INSR: variants seen among roughly 807,000 people sequenced by gnomAD.
INSR encodes the protein IR.
In INSR, 67 loss-of-function variants were observed where a neutral mutation model predicts 142.6. The observed-to-expected ratio is 0.47, with a 90% CI of 0.39 to 0.58. INSR has a LOEUF of 0.58. Ranked by LOEUF, INSR falls within the 20% of genes least tolerant of loss-of-function variation. INSR has a pLI of 0.00. For synonymous variants in INSR, 756 were observed against 743.1 expected (o/e 1.02, Z -0.28); for missense variants, 1,248 against 1,833.2 (o/e 0.68, Z 5.83).
rs572345321 is a variant in INSR at position 7,284,214 on chromosome 19, G to A, written c.100+9578C>T. On this transcript the variant is annotated intron_variant, in intron 1 of 21. Transcript: ENST00000302850. ...CAGGTAGCTGAGATTACAGGTGTGC[G>A]CCATCACGCCCAGCTAATTTTTGTA... Among the ~76,000 whole-genome samples, 13 of 152,030 alleles carry A rather than the reference G, an allele frequency of 8.6e-5. No homozygotes were observed. The East Asian group carries it at 1.9e-3, about 23-fold the overall frequency.
intron 2 of INSR, among the ~76,000 whole-genome samples, chr19:7,242,619 C>T (rs556262318): frequency 6.6e-5 from 10 of 151,348 alleles, no homozygotes; most frequent in Admixed American, 2.6e-4. Flanking sequence ...CGCCTGTAAT[C>T]CCAGCTACTC....
At chr19:7,131,492 C>T (rs1281720269) in intron 14 of INSR, among the ~76,000 whole-genome samples, 2 of 151,028 alleles carry the variant, frequency 1.3e-5, no homozygotes, top group Non-Finnish European at 2.9e-5. Flanking sequence ...TACAGGCGCC[C>T]GCCACCATGC....
intron 2 of INSR, among the ~76,000 whole-genome samples, chr19:7,241,625 TAATAA>T (rs1441858125): frequency 2.6e-5 from 4 of 151,596 alleles, no homozygotes; most frequent in East Asian, 2.0e-4. Context: ...GTCTCAAAAA[TAATAA>T]AATAAAAATA....
chr19:7,259,869 T>C (rs974140827), intron 2 of INSR, among the ~76,000 whole-genome samples: 2 of 150,862 alleles, frequency 1.3e-5, no homozygotes, highest in African/African-American at 4.9e-5. Flanking sequence ...TCCAGCGTGG[T>C]GGCTCACATG....
intron 2 of INSR, among the ~76,000 whole-genome samples, chr19:7,195,830 T>C (rs1974729352): frequency 6.6e-6 from 1 of 151,856 alleles, no homozygotes; most frequent in Admixed American, 6.6e-5. Context: ...GATAAGATTA[T>C]AGAAGACATT....
intron 3 of INSR, among the ~76,000 whole-genome samples, chr19:7,181,219 T>TCC (rs968374411): frequency 3.7e-4 from 57 of 152,278 alleles, no homozygotes; most frequent in African/African-American, 1.4e-3. Context: ...GTGCTGGGGT[T>TCC]ATAGGCGTGA....
intron 2 of INSR, among the ~76,000 whole-genome samples, chr19:7,246,229 A>G (rs1018506264): frequency 2.6e-5 from 4 of 152,106 alleles, no homozygotes; most frequent in African/African-American, 9.7e-5. Flanking sequence ...TTTCCCTCCC[A>G]GCTCACCTTA....
In INSR at chr19:7,132,240, G is replaced by A. The variant is rs774337743; in HGVS notation, c.2760C>T (p.Asn920=). The A allele has an allele frequency of 1.1e-5, 17 of 1,614,118 alleles. No individual in the cohort carries two copies. The highest frequency in any genetic ancestry group is 1.3e-5 in the Non-Finnish European group (15 of 1,180,050). Residue 920 remains asparagine (N), a synonymous_variant, in exon 14 of 22, where the codon AAC becomes AAT. Coordinates refer to ENST00000302850, the MANE Select transcript of INSR (RefSeq NM_000208.4). ...AGGTGGCCCGGATTCGCACGCTGTA[G>A]TTCCCCGGTGACAGCCCACGCAGCC... ...GCRLRGLSPG[N]YSVRIRATSL...
At chr19:7,226,944 T>C (rs1013680999) in intron 2 of INSR, among the ~76,000 whole-genome samples, 1 of 152,168 alleles carries the variant, frequency 6.6e-6, no homozygotes, top group Non-Finnish European at 1.5e-5. Context: ...GCTGGAAATA[T>C]ATGCCAGAGG....
intron 2 of INSR, among the ~76,000 whole-genome samples, chr19:7,218,127 T>C (rs1364890563): frequency 1.3e-5 from 2 of 151,470 alleles, no homozygotes; most frequent in Non-Finnish European, 2.9e-5. Flanking sequence ...TCCACCTCCA[T>C]AGGAAAACAC....
At chr19:7,122,511 T>G in intron 19 of INSR, 103 bp downstream of exon 19, 1 of 1,269,858 alleles carries the variant, frequency 7.9e-7, no homozygotes, top group Non-Finnish European at 1.2e-6. Context: ...TCTTGCCCCT[T>G]TATATTATCA....
rs150720687 is a variant in INSR at position 7,282,462 on chromosome 19, G to C, written c.100+11330C>G. On this transcript the variant is annotated intron_variant, in intron 1 of 21. Transcript: ENST00000302850. ...CTTTGAGAGGCTGAGGCAGGTGGGT[G>C]GCTTGAGGTCAGGAGTTTGAGACCC... 5.8e-3 allele frequency among the ~76,000 whole-genome samples: 875 copies of C among 152,018 alleles called. 4 individuals carry two copies. Among genetic ancestry groups the C allele is most frequent in the African/African-American group, 0.02 (848 of 41,428 alleles).
intron 2 of INSR, among the ~76,000 whole-genome samples, chr19:7,259,104 C>CTTCCTTCCTTCTTTCT (rs138400357): frequency 7.7e-6 from 1 of 129,408 alleles, no homozygotes; most frequent in Non-Finnish European, 1.7e-5. Context: ...TCCCTCCTTC[C>CTTCCTTCCTTCTTTCT]TTCCTTCCTT....
At chr19:7,243,958 A>C (rs1395013675) in intron 2 of INSR, among the ~76,000 whole-genome samples, 1 of 152,228 alleles carries the variant, frequency 6.6e-6, no homozygotes, top group Non-Finnish European at 1.5e-5. Flanking sequence ...TTAAAACCGA[A>C]ACAAGAGGTA....
intron 2 of INSR, among the ~76,000 whole-genome samples, chr19:7,226,728 C>CAAAAA (rs71177177): frequency 0.32 from 36,500 of 112,326 alleles, 6,556 homozygotes; most frequent in South Asian, 0.37. Context: ...ACCCTGTTTC[C>CAAAAA]AAAAAAAAAA....
intron 3 of INSR, among the ~76,000 whole-genome samples, chr19:7,176,771 T>G (rs1974144089): frequency 6.6e-6 from 1 of 152,170 alleles, no homozygotes. Context: ...TGTCAGCCAA[T>G]TAAACCTCTT....
intron 2 of INSR, among the ~76,000 whole-genome samples, chr19:7,191,310 AAAGAAAGAAAGAAAAAG>A (rs1174133363): frequency 0.6 from 84,779 of 142,444 alleles, 25,317 homozygotes; most frequent in Admixed American, 0.62. Context: ...AAGAAAAGAG[AAAGAAAGAAAGAAAAAG>A]AAAGAAAGAA....
Position 7,294,304 on chromosome 19 carries a change from G to A in INSR, c.-413C>T, listed in dbSNP as rs1488081372. ...CTAGCTGACTGGCGGGCGGGCACCT[G>A]GGCTGGCGGGTGGCGGGCGGGCGGC... is the stretch of plus-strand genomic sequence containing the variant. On this transcript the variant is annotated 5_prime_UTR_variant, in exon 1 of 22. Transcript: ENST00000302850. 3.3e-5 allele frequency among the ~76,000 whole-genome samples: 5 copies of A among 150,990 alleles called. No homozygotes were observed. Among genetic ancestry groups the A allele is most frequent in the Non-Finnish European group, 7.4e-5 (5 of 67,504 alleles).
intron 12 of INSR, among the ~76,000 whole-genome samples, 194 bp from the exon 13 acceptor site, chr19:7,142,010 C>CTT (rs796795268): frequency 3.6e-4 from 52 of 145,968 alleles, no homozygotes; most frequent in African/African-American, 1.2e-3. Context: ...CTGCGTATAA[C>CTT]TTTTTTTTTT....
Sources: allele counts gnomAD v4.1 joint callset (sites outside exome capture counted in the v4.1 genomes callset), GRCh38; gene constraint gnomAD v4.1.1; transcripts MANE v1.5; gene names NCBI Gene and HGNC (gene_info 2026-07-23, HGNC 2026-07-21).